The following STOX2 variants were observed in gnomAD, a reference collection of about 807,000 sequenced individuals.
STOX2 encodes storkhead box 2, also known as storkhead-box protein 2.
In STOX2, 28 loss-of-function variants were observed where a neutral mutation model predicts 60.9. The observed-to-expected ratio is 0.46, with a 90% CI of 0.34 to 0.63. The LOEUF (loss-of-function observed/expected upper bound fraction) is 0.63, where lower values mean the gene tolerates loss of function less well. STOX2 is among the 30% of genes least tolerant of loss of function. The pLI is 0.01. For synonymous variants in STOX2, 472 were observed against 463.9 expected, an observed-to-expected ratio of 1.02 and a Z score of -0.22; for missense variants, 1,024 against 1,187.7, an observed-to-expected ratio of 0.86 and a Z score of 2.03.
At chr4:183,935,320 G>A (rs778641399) in intron 1 of STOX2, among the ~76,000 whole-genome samples, 27 of 152,150 alleles carry the variant, frequency 1.8e-4, no homozygotes, top group Admixed American at 5.2e-4. Flanking sequence ...CTCCCCAGAG[G>A]GTATCACCCT....
At chr4:183,941,166 T>C (rs1381251798) in intron 1 of STOX2, among the ~76,000 whole-genome samples, 1 of 152,246 alleles carries the variant, frequency 6.6e-6, no homozygotes, top group Non-Finnish European at 1.5e-5. Flanking sequence ...GACTGAATTA[T>C]GGATTCCATG....
At chr4:183,964,066 C>T (rs189640836) in intron 1 of STOX2, among the ~76,000 whole-genome samples, 2 of 152,160 alleles carry the variant, frequency 1.3e-5, no homozygotes, top group African/African-American at 2.4e-5. Flanking sequence ...TGAGCCACCG[C>T]GCCCAGCTTT....
intron 1 of STOX2, among the ~76,000 whole-genome samples, chr4:183,980,767 T>C (rs1732633585): frequency 6.6e-6 from 1 of 152,188 alleles, no homozygotes; most frequent in Non-Finnish European, 1.5e-5. Context: ...CCTCAGTTAA[T>C]TGGAAGCACC....
chr4:183,911,750 TGC>T (rs1001611661), intron 1 of STOX2, among the ~76,000 whole-genome samples: 46 of 152,352 alleles, frequency 3.0e-4, no homozygotes, highest in Middle Eastern at 3.4e-3. Context: ...GGTACACGGT[TGC>T]TTAGGCTGCA....
chr4:183,831,502 ATT>A (rs11292239), intron 1 of STOX2, among the ~76,000 whole-genome samples: 92 of 144,368 alleles, frequency 6.4e-4, no homozygotes, highest in African/African-American at 1.8e-3. Context: ...AACTATGTAC[ATT>A]TTTTTTTTTT....
In STOX2 at chr4:184,009,542, C is replaced by T; in HGVS notation, c.704C>T (p.Pro235Leu). Residue 235 changes from proline to leucine, a missense_variant, in exon 3 of 4, where the codon CCA becomes CTA. Pro to Leu is a moderately conservative substitution (Grantham distance 98). Around this residue, in one of 3 missense-constraint regions of STOX2, gnomAD observed 922 missense variants for 1,058.3 expected, o/e 0.87. Transcript: ENST00000308497. This position sits in a 1 kb window ranked among gnomAD's most constrained non-coding sequence, Gnocchi z 4.0. Reference protein sequence around the residue: ...PYCPPSLCQVPPTEKSKSTVN... With the variant: ...PYCPPSLCQVLPTEKSKSTVN... The stretch of plus-strand genomic sequence containing the variant: ...TGTCCCCCTTCTCTGTGCCAGGTGC[C>T]ACCCACTGAAAAGAGCAAAAGTACT... The T allele has an allele frequency of 6.2e-7, 1 of 1,613,996 alleles. No homozygotes were observed. Among genetic ancestry groups the T allele is most frequent in the Non-Finnish European group, 8.5e-7 (1 of 1,179,872 alleles).
intron 1 of STOX2, among the ~76,000 whole-genome samples, chr4:183,932,526 C>A (rs1742468962): frequency 6.6e-6 from 1 of 151,582 alleles, no homozygotes; most frequent in Non-Finnish European, 1.5e-5. Flanking sequence ...TGTATTGATA[C>A]AATATATTAT....
chr4:183,840,203 G>A (rs1175191499), intron 1 of STOX2, among the ~76,000 whole-genome samples: 1 of 152,136 alleles, frequency 6.6e-6, no homozygotes, highest in Non-Finnish European at 1.5e-5. Context: ...AGATTGGAAC[G>A]TTCTAATACC....
chr4:184,010,097 A>G lies in STOX2; in HGVS notation c.1259A>G (p.Asn420Ser), dbSNP rs1453018849. 6.2e-7 allele frequency: 1 copy of G among 1,603,342 alleles called. No homozygotes were observed. The highest frequency in any genetic ancestry group is 1.3e-5 in the African/African-American group (1 of 74,736). The change falls in exon 3 of 4, where the codon AAC (asparagine) becomes AGC (serine). Residue 420 changes from asparagine to serine, a missense_variant. Around this residue, in one of 3 missense-constraint regions of STOX2, gnomAD observed 922 missense variants for 1,058.3 expected, o/e 0.87. Transcript: ENST00000308497. The surrounding 1 kb of genome is among the most constrained non-coding windows in gnomAD (Gnocchi z 4.5). ...GCFIIEHKGD[N>S]FIMHSNTNVL... ...TTCATCATTGAACACAAAGGAGATA[A>G]CTTCATCATGCACAGCAACACAAAC...
At chr4:183,899,233 TC>T (rs756918415) in intron 1 of STOX2, among the ~76,000 whole-genome samples, 11 of 152,128 alleles carry the variant, frequency 7.2e-5, no homozygotes, top group Non-Finnish European at 1.6e-4. Context: ...CTGCTCTGGC[TC>T]AACAGTATTG....
chr4:183,998,515 G>A (rs1442013851), intron 1 of STOX2, among the ~76,000 whole-genome samples: 1 of 152,162 alleles, frequency 6.6e-6, no homozygotes, highest in African/African-American at 2.4e-5. Context: ...GCTTGCATCA[G>A]CACTCAGCCA....
chr4:183,986,213 A>C (rs1216172293), intron 1 of STOX2, among the ~76,000 whole-genome samples: 1 of 152,248 alleles, frequency 6.6e-6, no homozygotes, highest in Admixed American at 6.5e-5. Flanking sequence ...ATATCCAAAC[A>C]TGTATGTTTT....
At chr4:183,799,910 G>A (rs1016736745) in intron 1 of STOX2, among the ~76,000 whole-genome samples, 1 of 152,112 alleles carries the variant, frequency 6.6e-6, no homozygotes, top group African/African-American at 2.4e-5. Context: ...GCAACTGATG[G>A]GGCCTGCCAG....
At chr4:183,798,418 G>C (rs962238566) in intron 1 of STOX2, among the ~76,000 whole-genome samples, 2 of 151,676 alleles carry the variant, frequency 1.3e-5, no homozygotes, top group Admixed American at 1.3e-4. Context: ...ACTGCTCCGC[G>C]GCTGGAGTGC....
intron 1 of STOX2, among the ~76,000 whole-genome samples, chr4:183,841,836 G>C (rs149626304): frequency 6.6e-6 from 1 of 152,098 alleles, no homozygotes; most frequent in African/African-American, 2.4e-5. Flanking sequence ...GAAAATAGTG[G>C]GTAAGGTAAA....
chr4:184,011,223 T>G lies in STOX2; in HGVS notation c.2385T>G (p.Asn795Lys), dbSNP rs776656874. The change falls in exon 3 of 4, where the codon AAT becomes AAG. Residue 795 changes from asparagine to lysine, a missense_variant. Asn to Lys is a moderately conservative substitution (Grantham distance 94). Around this residue, in one of 3 missense-constraint regions of STOX2, gnomAD observed 922 missense variants for 1,058.3 expected, o/e 0.87. Coordinates refer to ENST00000308497, the MANE Select transcript of STOX2 (RefSeq NM_020225.3). This position sits in a 1 kb window ranked among gnomAD's most constrained non-coding sequence, Gnocchi z 4.4. ...GANKNTEEEK[N>K]REDVGTMQWL... ...ACAAGAACACAGAGGAGGAGAAAAATAGAGAGGACGTAGGCACCATGCAGT... is the reference window on the plus strand; with the variant it reads ...ACAAGAACACAGAGGAGGAGAAAAAGAGAGAGGACGTAGGCACCATGCAGT... 9.3e-6 allele frequency: 15 copies of G among 1,609,458 alleles called. 1 individual carries two copies. The South Asian group carries it at 1.7e-4, about 18-fold the overall frequency.
Position 183,921,132 on chromosome 4 carries a change from G to A in STOX2, c.166+14176G>A, listed in dbSNP as rs144645802. The stretch of plus-strand genomic sequence containing the variant: ...ACCGAACATTATTCTGAGGATAGCA[G>A]GAGGCTAGGATCTATGAGGATAGCA... On this transcript the variant is annotated intron_variant, in intron 1 of 3. Coordinates refer to ENST00000308497, the MANE Select transcript of STOX2 (RefSeq NM_020225.3). Among the ~76,000 whole-genome samples, 795 of 152,290 alleles carry A rather than the reference G, an allele frequency of 5.2e-3. 20 individuals are homozygous for A. The highest frequency in any genetic ancestry group is 0.037 in the Admixed American group (559 of 15,298).
At position 183,906,992 on chromosome 4, in the gene STOX2, GGCCGCGGGACGT is replaced by G. The variant is rs755705509; in HGVS notation, c.166+39_166+50del. The G allele has an allele frequency of 8.1e-5, 121 of 1,494,062 alleles. No homozygotes were observed. In the Admixed American group the frequency reaches 1.1e-3, roughly 14 times the overall value. The allele number at this position is 1,494,062 out of a possible 1,614,324, so 92.6% of individuals were successfully genotyped here. ...GACCGCGTTTCTGCCCCCGGGCCGG[GGCCGCGGGACGT>G]GCTCGGTACGCCGCGGCCCGGGTGC... On this transcript the variant is annotated intron_variant, in intron 1 of 3. Transcript: ENST00000308497.
At chr4:183,861,300 C>T (rs1192540366) in intron 1 of STOX2, among the ~76,000 whole-genome samples, 2 of 51,136 alleles carry the variant, frequency 3.9e-5, no homozygotes, top group South Asian at 6.8e-4. Flanking sequence ...TGGACTGTCC[C>T]GTTACCTTGG....
Sources: gnomAD v4.1 joint callset for allele counts (sites outside exome capture counted in the v4.1 genomes callset) on GRCh38, gnomAD v4.1.1 for gene constraint, gnomAD v4.1.1 regional missense constraint, Gnocchi (gnomAD v3.1) non-coding constraint, MANE v1.5 for transcripts, NCBI Gene and HGNC (gene_info 2026-07-23, HGNC 2026-07-21) for gene names.